EDIL3: variants seen among roughly 807,000 people sequenced by gnomAD.
The protein encoded by EDIL3 is EGF like and discoidin domains 3.
EDIL3 carries 37 observed loss-of-function variants against 67.4 expected under a neutral mutation model. The observed-to-expected ratio is 0.55, with a 90% CI of 0.42 to 0.72. EDIL3 has a LOEUF of 0.72. Ranked by LOEUF, EDIL3 falls within the 30% of genes least tolerant of loss-of-function variation. The pLI is 0.00. For missense variants in EDIL3, 527 were observed against 586.3 expected, an observed-to-expected ratio of 0.90 and a Z score of 1.04; for synonymous variants, 195 against 196.3, an observed-to-expected ratio of 0.99 and a Z score of 0.05.
chr5:84,290,626 G>C (rs1017096564), intron 1 of EDIL3, among the ~76,000 whole-genome samples: 2 of 152,126 alleles, frequency 1.3e-5, no homozygotes, highest in Non-Finnish European at 2.9e-5. Context: ...AAAAGTATCT[G>C]TACCAACAGA....
intron 6 of EDIL3, among the ~76,000 whole-genome samples, chr5:84,068,218 A>G (rs1746677398): frequency 6.6e-6 from 1 of 152,138 alleles, no homozygotes; most frequent in Non-Finnish European, 1.5e-5. Context: ...TTCTTTCATT[A>G]TCTTATGCAT....
chr5:84,285,525 T>C (rs529771819), intron 1 of EDIL3, among the ~76,000 whole-genome samples: 7 of 152,324 alleles, frequency 4.6e-5, no homozygotes, highest in Admixed American at 2.0e-4. Context: ...AGATATGCAA[T>C]AAATGCCCAG....
At chr5:84,141,673 A>G (rs565799927) in intron 4 of EDIL3, among the ~76,000 whole-genome samples, 42 of 149,000 alleles carry the variant, frequency 2.8e-4, no homozygotes, top group African/African-American at 9.7e-4. Flanking sequence ...TTGAACCAAA[A>G]AGTACTTTAC....
intron 3 of EDIL3, among the ~76,000 whole-genome samples, chr5:84,226,829 G>T (rs1266252816): frequency 6.6e-6 from 1 of 151,878 alleles, no homozygotes; most frequent in Admixed American, 6.6e-5. Flanking sequence ...TAAATTCTAT[G>T]ATGTGCACAT....
intron 2 of EDIL3, among the ~76,000 whole-genome samples, chr5:84,239,913 T>C (rs1744762579): frequency 6.6e-6 from 1 of 152,188 alleles, no homozygotes; most frequent in Non-Finnish European, 1.5e-5. Flanking sequence ...CCAAAACTAG[T>C]GTCCATCCAG....
intron 1 of EDIL3, among the ~76,000 whole-genome samples, chr5:84,356,458 T>A (rs1317956552): frequency 6.6e-6 from 1 of 152,232 alleles, no homozygotes; most frequent in Non-Finnish European, 1.5e-5. Context: ...TGCTAGAAGC[T>A]GCCCACAAAT....
At chr5:83,957,734 G>T (rs917150522) in intron 10 of EDIL3, among the ~76,000 whole-genome samples, 4 of 151,676 alleles carry the variant, frequency 2.6e-5, no homozygotes, top group African/African-American at 4.8e-5. Context: ...TTCTTCCCTA[G>T]AGTTGTTTTA....
chr5:84,317,303 C>T (rs375811788), intron 1 of EDIL3, among the ~76,000 whole-genome samples: 2 of 151,808 alleles, frequency 1.3e-5, no homozygotes, highest in African/African-American at 4.8e-5. Flanking sequence ...AACCCTTCAA[C>T]AAATCAATGA....
chr5:83,981,148 T>A (rs573807129), intron 9 of EDIL3, among the ~76,000 whole-genome samples: 3 of 152,002 alleles, frequency 2.0e-5, no homozygotes, highest in Non-Finnish European at 4.4e-5. Flanking sequence ...ATCCTGAAAT[T>A]CATATGGAAA....
At chr5:84,349,327 TTC>T (rs1369343240) in intron 1 of EDIL3, among the ~76,000 whole-genome samples, 1 of 152,134 alleles carries the variant, frequency 6.6e-6, no homozygotes, top group African/African-American at 2.4e-5. Flanking sequence ...AGCAGCTTGT[TTC>T]TCCTTCCAAG....
chr5:84,084,378 C>T (rs150528855), intron 6 of EDIL3, among the ~76,000 whole-genome samples: 1,629 of 152,110 alleles, frequency 0.011, 19 homozygotes, highest in Middle Eastern at 0.054. Context: ...GATTTCATTA[C>T]TCTGACCTAA....
chr5:83,941,664 T>C lies in EDIL3; in HGVS notation c.*1755A>G, dbSNP rs527915038. On this transcript the variant is annotated 3_prime_UTR_variant, in exon 11 of 11. Coordinates refer to ENST00000296591, the MANE Select transcript of EDIL3 (RefSeq NM_005711.5). ...TCTAAAAAAGGCAATATGGAGGAAATAGTAATTTTGTTTTTGAAAGATGTT... is the reference window on the plus strand; with the variant it reads ...TCTAAAAAAGGCAATATGGAGGAAACAGTAATTTTGTTTTTGAAAGATGTT... 6.6e-5 allele frequency: 10 copies of C among 152,002 alleles called. 1 individual carries two copies. Among genetic ancestry groups the C allele is most frequent in the Admixed American group, 2.0e-4 (3 of 15,242 alleles). The allele number at this position is 152,002 out of a possible 1,614,324, so 9.4% of individuals were successfully genotyped here.
rs369523169 is a variant in EDIL3, at chr5:84,381,820, TCTGA to T, written c.67+2484_67+2487del. Among the ~76,000 whole-genome samples, 409 of 152,352 alleles carry T rather than the reference TCTGA, an allele frequency of 2.7e-3. 3 individuals are homozygous for T. Among genetic ancestry groups the T allele is most frequent in the African/African-American group, 9.7e-3 (403 of 41,586 alleles). ...ATTTAATAGTTAATAAAATATTCAA[TCTGA>T]CTGATCCATTGGTTTAATTTTAAAA... is the stretch of plus-strand genomic sequence containing the variant. On this transcript the variant is annotated intron_variant, in intron 1 of 10. Coordinates refer to ENST00000296591, the MANE Select transcript of EDIL3 (RefSeq NM_005711.5).
intron 9 of EDIL3, among the ~76,000 whole-genome samples, chr5:84,014,328 A>T (rs1745563788): frequency 6.6e-6 from 1 of 152,184 alleles, no homozygotes; most frequent in South Asian, 2.1e-4. Context: ...TATCAGTTGT[A>T]TAGGACTGTT....
intron 1 of EDIL3, among the ~76,000 whole-genome samples, chr5:84,382,808 C>G (rs1437504122): frequency 1.3e-5 from 2 of 152,028 alleles, no homozygotes; most frequent in African/African-American, 2.4e-5. Flanking sequence ...TGGAAGGGCA[C>G]TTTGTAAACG....
chr5:84,314,503 A>G (rs959550565), intron 1 of EDIL3, among the ~76,000 whole-genome samples: 1 of 152,218 alleles, frequency 6.6e-6, no homozygotes, highest in Non-Finnish European at 1.5e-5. Flanking sequence ...AGAATCTTTT[A>G]TTAATATAGA....
chr5:84,328,768 C>T (rs1185273716), intron 1 of EDIL3, among the ~76,000 whole-genome samples: 1 of 152,064 alleles, frequency 6.6e-6, no homozygotes, highest in Non-Finnish European at 1.5e-5. Context: ...ATTCAAGTAA[C>T]TGTCAGCGGT....
intron 3 of EDIL3, among the ~76,000 whole-genome samples, chr5:84,211,729 G>T (rs143079278): frequency 1.3e-5 from 2 of 152,348 alleles, no homozygotes; most frequent in East Asian, 1.9e-4. Context: ...CTCAGAGAGA[G>T]CATGGCCTGG....
intron 4 of EDIL3, among the ~76,000 whole-genome samples, chr5:84,138,690 C>T (rs573837371): frequency 6.6e-6 from 1 of 152,132 alleles, no homozygotes; most frequent in Non-Finnish European, 1.5e-5. Context: ...TTAGTATCCC[C>T]TCCAGAAAGC....
Sources: allele counts gnomAD v4.1 joint callset (sites outside exome capture counted in the v4.1 genomes callset), GRCh38; gene constraint gnomAD v4.1.1; transcripts MANE v1.5; gene names NCBI Gene and HGNC (gene_info 2026-07-23, HGNC 2026-07-21).